The following CDYL2 variants were observed in gnomAD, a reference collection of about 807,000 sequenced individuals.
CDYL2 encodes chromodomain Y like 2.
In CDYL2, 23 loss-of-function variants were observed where a neutral mutation model predicts 49.4. The ratio of observed to expected loss-of-function variants is 0.47; its 90% CI spans 0.34 to 0.66. The LOEUF (loss-of-function observed/expected upper bound fraction) is 0.66, where lower values mean the gene tolerates loss of function less well. CDYL2 is among the 30% of genes least tolerant of loss of function. The probability of loss-of-function intolerance (pLI) is 0.01; values close to 1 mark genes in which losing one functional copy is unlikely to be tolerated. For synonymous variants in CDYL2, 360 were observed against 268.8 expected, an observed-to-expected ratio of 1.34 and a Z score of -3.32; for missense variants, 678 against 656.4, an observed-to-expected ratio of 1.03 and a Z score of -0.36.
chr16:80,631,047 G>A (rs932565379), intron 3 of CDYL2, among the ~76,000 whole-genome samples: 3 of 152,264 alleles, frequency 2.0e-5, no homozygotes, highest in Non-Finnish European at 2.9e-5. Context: ...AAGGGGTCTC[G>A]GAGTTAAATG....
chr16:80,761,329 T>C (rs1567598353), intron 1 of CDYL2, among the ~76,000 whole-genome samples: 1 of 152,252 alleles, frequency 6.6e-6, no homozygotes, highest in Non-Finnish European at 1.5e-5. Context: ...TATTTACCAC[T>C]GTGAGCTTCT....
Position 80,754,498 on chromosome 16 carries a change from C to T in CDYL2, c.24+49652G>A, listed in dbSNP as rs28614063. On this transcript the variant is annotated intron_variant, in intron 1 of 6. Coordinates refer to ENST00000570137, the MANE Select transcript of CDYL2 (RefSeq NM_152342.4). ...GGAAAATATACCAGAATCCGAGAAC[C>T]GTCAGACCCATTATGCTCCATAAAC... Among the ~76,000 whole-genome samples the T allele has an allele frequency of 3.2e-3, 494 of 152,268 alleles. 2 individuals are homozygous for T. Among genetic ancestry groups the T allele is most frequent in the African/African-American group, 0.012 (480 of 41,564 alleles).
chr16:80,640,493 TC>T (rs1306975120), intron 2 of CDYL2, among the ~76,000 whole-genome samples: 1 of 151,936 alleles, frequency 6.6e-6, no homozygotes, highest in Non-Finnish European at 1.5e-5. Context: ...CTCAGCACAT[TC>T]CCATCTGTGG....
chr16:80,740,181 T>C (rs1358697702), intron 1 of CDYL2, among the ~76,000 whole-genome samples: 2 of 152,200 alleles, frequency 1.3e-5, no homozygotes, highest in Admixed American at 1.3e-4. Flanking sequence ...CCTTGCTCTG[T>C]GGAATGAGCA....
chr16:80,675,753 G>C (rs1045974296), intron 2 of CDYL2, among the ~76,000 whole-genome samples: 4 of 152,008 alleles, frequency 2.6e-5, no homozygotes, highest in African/African-American at 7.3e-5. Context: ...GACATTAGGA[G>C]GTGAAGTTTT....
intron 1 of CDYL2, among the ~76,000 whole-genome samples, chr16:80,774,306 A>G (rs1372951833): frequency 6.6e-6 from 1 of 152,060 alleles, no homozygotes; most frequent in Non-Finnish European, 1.5e-5. Context: ...GCTGAAAGAC[A>G]AATGCTATGC....
At chr16:80,753,976 C>G (rs1047942799) in intron 1 of CDYL2, among the ~76,000 whole-genome samples, 24 of 152,170 alleles carry the variant, frequency 1.6e-4, no homozygotes, top group Non-Finnish European at 7.3e-5. Flanking sequence ...GCAGGAAACA[C>G]AGGAGAATGA....
chr16:80,645,568 A>T (rs1908302930), intron 2 of CDYL2, among the ~76,000 whole-genome samples: 2 of 152,162 alleles, frequency 1.3e-5, no homozygotes, highest in Non-Finnish European at 2.9e-5. Flanking sequence ...ATTGTGGAAG[A>T]CAGTGTGGCG....
At chr16:80,765,460 A>G (rs1187730302) in intron 1 of CDYL2, among the ~76,000 whole-genome samples, 2 of 151,758 alleles carry the variant, frequency 1.3e-5, no homozygotes, top group Non-Finnish European at 2.9e-5. Context: ...ATATAAGAAA[A>G]GCAATTATAC....
At chr16:80,635,893 C>A (rs1405288979) in intron 2 of CDYL2, among the ~76,000 whole-genome samples, 1 of 152,116 alleles carries the variant, frequency 6.6e-6, no homozygotes, top group Non-Finnish European at 1.5e-5. Flanking sequence ...AGAACAGAGG[C>A]CTCAGAAATA....
intron 1 of CDYL2, among the ~76,000 whole-genome samples, chr16:80,798,537 AAAATT>A (rs1393161993): frequency 6.6e-6 from 1 of 152,220 alleles, no homozygotes; most frequent in African/African-American, 2.4e-5. Flanking sequence ...TTTTCTTAAT[AAAATT>A]TTCTCCACTT....
intron 1 of CDYL2, among the ~76,000 whole-genome samples, chr16:80,753,721 G>C (rs1355664365): frequency 6.6e-6 from 1 of 152,146 alleles, no homozygotes; most frequent in African/African-American, 2.4e-5. Context: ...CCTTCAGATA[G>C]AAAATCTCTT....
intron 1 of CDYL2, among the ~76,000 whole-genome samples, chr16:80,694,874 A>T (rs149247523): frequency 2.2e-4 from 34 of 152,346 alleles, no homozygotes; most frequent in African/African-American, 7.9e-4. Flanking sequence ...CTCCAAATAA[A>T]TAAATAAACC....
chr16:80,727,370 G>A (rs536197194), intron 1 of CDYL2, among the ~76,000 whole-genome samples: 3 of 152,332 alleles, frequency 2.0e-5, no homozygotes, highest in South Asian at 2.1e-4. Flanking sequence ...ACTCCCACCC[G>A]AATACTGCGC....
At chr16:80,709,306 C>T (rs1361250213) in intron 1 of CDYL2, among the ~76,000 whole-genome samples, 3 of 148,534 alleles carry the variant, frequency 2.0e-5, no homozygotes, top group Non-Finnish European at 2.9e-5. Flanking sequence ...CACTTGAACC[C>T]GGGGAGTGGA....
At chr16:80,791,146 T>C (rs1907596175) in intron 1 of CDYL2, among the ~76,000 whole-genome samples, 1 of 152,166 alleles carries the variant, frequency 6.6e-6, no homozygotes, top group Non-Finnish European at 1.5e-5. Context: ...CATTTATTGA[T>C]AACACAAAGA....
chr16:80,731,288 G>A (rs1387653928), intron 1 of CDYL2, among the ~76,000 whole-genome samples: 6 of 151,928 alleles, frequency 3.9e-5, no homozygotes, highest in Non-Finnish European at 8.8e-5. Flanking sequence ...ATGAAATTGA[G>A]GAATCTTCTG....
At chr16:80,613,800 T>C (rs1906708158) in intron 4 of CDYL2, among the ~76,000 whole-genome samples, 1 of 152,232 alleles carries the variant, frequency 6.6e-6, no homozygotes, top group Admixed American at 6.5e-5. Flanking sequence ...CCTTCGTTAC[T>C]TTCAGAGGAA....
intron 1 of CDYL2, 89 bp downstream of exon 1, chr16:80,804,061 C>T (rs989137318): frequency 1.3e-5 from 12 of 907,222 alleles, no homozygotes; most frequent in Admixed American, 1.3e-4. Flanking sequence ...TGCGCCCGGC[C>T]CCGGCCCCGG....
Sources: gnomAD v4.1 joint callset for allele counts (sites outside exome capture counted in the v4.1 genomes callset) on GRCh38, gnomAD v4.1.1 for gene constraint, MANE v1.5 for transcripts, NCBI Gene and HGNC (gene_info 2026-07-23, HGNC 2026-07-21) for gene names.